TAFA4: variants seen among roughly 807,000 people sequenced by gnomAD.
The protein encoded by TAFA4 is TAFA chemokine like family member 4.
In TAFA4, 20 loss-of-function variants were observed where a neutral mutation model predicts 21.1. The ratio of observed to expected loss-of-function variants is 0.95; its 90% CI spans 0.67 to 1.38. The LOEUF is 1.38. Ranked by LOEUF, TAFA4 falls within the 40% of genes most tolerant of loss-of-function variation. The pLI is 0.00. For synonymous variants in TAFA4, 71 were observed against 67.4 expected (o/e 1.05, Z -0.26); for missense variants, 211 against 180.9 (o/e 1.17, Z -0.95).
intron 3 of TAFA4, among the ~76,000 whole-genome samples, chr3:68,873,337 TACACACACACACACACAC>T (rs34998311): frequency 1.5e-5 from 2 of 133,422 alleles, no homozygotes; most frequent in South Asian, 3.0e-4. Context: ...CACGCAGACA[TACACACACACACACACAC>T]ACACACACAC....
chr3:68,801,821 A>G (rs1703584100), intron 3 of TAFA4, among the ~76,000 whole-genome samples: 1 of 152,198 alleles, frequency 6.6e-6, no homozygotes, highest in Non-Finnish European at 1.5e-5. Context: ...GATTTGATCA[A>G]AGTTTACCAA....
chr3:68,744,898 T>TAGCA (rs765219195), intron 4 of TAFA4, among the ~76,000 whole-genome samples: 2 of 152,192 alleles, frequency 1.3e-5, no homozygotes, highest in Non-Finnish European at 2.9e-5. Context: ...TTCCTTAAAA[T>TAGCA]AGCAAGCTGC....
intron 3 of TAFA4, among the ~76,000 whole-genome samples, chr3:68,872,216 T>C (rs1273074906): frequency 3.9e-5 from 6 of 152,150 alleles, no homozygotes; most frequent in African/African-American, 1.2e-4. Flanking sequence ...TGGAATATTA[T>C]TCAGTCATAA....
At chr3:68,830,972 T>A (rs1287758794) in intron 3 of TAFA4, among the ~76,000 whole-genome samples, 1 of 152,204 alleles carries the variant, frequency 6.6e-6, no homozygotes, top group Non-Finnish European at 1.5e-5. Flanking sequence ...TTATCTTTGT[T>A]GGTTTATAGT....
chr3:68,766,646 C>T (rs149734539), intron 3 of TAFA4, among the ~76,000 whole-genome samples: 299 of 151,732 alleles, frequency 2.0e-3, no homozygotes, highest in African/African-American at 6.5e-3. Flanking sequence ...CAGATGTCCC[C>T]GAATCCTATT....
intron 4 of TAFA4, among the ~76,000 whole-genome samples, chr3:68,742,524 C>G (rs941738805): frequency 6.6e-6 from 1 of 152,086 alleles, no homozygotes; most frequent in African/African-American, 2.4e-5. Context: ...AATTTCCTTC[C>G]TGCATTTTCT....
At chr3:68,898,173 C>G (rs933875334) in intron 1 of TAFA4, among the ~76,000 whole-genome samples, 4 of 152,188 alleles carry the variant, frequency 2.6e-5, no homozygotes, top group African/African-American at 9.6e-5. Context: ...AAAGGTCAGT[C>G]TTGACCAGCA....
intron 1 of TAFA4, among the ~76,000 whole-genome samples, chr3:68,895,240 C>T (rs1011848848): frequency 1.3e-5 from 2 of 152,144 alleles, no homozygotes; most frequent in South Asian, 2.1e-4. Flanking sequence ...TCAGGTGATC[C>T]GCCTGCCTCA....
intron 3 of TAFA4, among the ~76,000 whole-genome samples, chr3:68,789,964 G>A (rs575104168): frequency 6.6e-6 from 1 of 152,302 alleles, no homozygotes; most frequent in South Asian, 2.1e-4. Flanking sequence ...ACATCAGTGG[G>A]AAACTTGGAG....
chr3:68,929,727 T>C (rs1218965086), intron 1 of TAFA4, among the ~76,000 whole-genome samples: 2 of 152,234 alleles, frequency 1.3e-5, no homozygotes, highest in East Asian at 1.9e-4. Context: ...TAAAGAGATC[T>C]ATAAAATTGC....
At chr3:68,849,434 A>G (rs1320348519) in intron 3 of TAFA4, among the ~76,000 whole-genome samples, 2 of 152,198 alleles carry the variant, frequency 1.3e-5, no homozygotes, top group East Asian at 3.9e-4. Flanking sequence ...TTGAGCCACT[A>G]ACAAGAAGTA....
intron 3 of TAFA4, among the ~76,000 whole-genome samples, chr3:68,805,844 T>C (rs1430886939): frequency 1.3e-5 from 2 of 152,054 alleles, no homozygotes; most frequent in South Asian, 2.1e-4. Context: ...TTAGGAGATA[T>C]ACCTAATGCT....
At chr3:68,828,531 T>C (rs1165480936) in intron 3 of TAFA4, among the ~76,000 whole-genome samples, 3 of 152,200 alleles carry the variant, frequency 2.0e-5, no homozygotes, top group Non-Finnish European at 1.5e-5. Context: ...CTTCCATTTG[T>C]TTGGGTCCTC....
In TAFA4 at chr3:68,762,220, T is replaced by A. The variant is rs191615611; in HGVS notation, c.131-9202A>T. ...GCCTTAATTTAAAAAAAAAAAAATGTAGCAGAAGAATGGAGGTAAATCTTG... is the reference window on the plus strand; with the variant it reads ...GCCTTAATTTAAAAAAAAAAAAATGAAGCAGAAGAATGGAGGTAAATCTTG... On this transcript the variant is annotated intron_variant, in intron 3 of 5. Coordinates refer to ENST00000295569, the MANE Select transcript of TAFA4 (RefSeq NM_182522.5). Among the ~76,000 whole-genome samples the A allele has an allele frequency of 4.1e-4, 61 of 150,430 alleles. No homozygotes were observed. The South Asian group carries it at 0.011, about 27-fold the overall frequency.
At chr3:68,901,975 G>C (rs535347129) in intron 1 of TAFA4, among the ~76,000 whole-genome samples, 4 of 152,124 alleles carry the variant, frequency 2.6e-5, no homozygotes, top group Non-Finnish European at 4.4e-5. Flanking sequence ...TATAGTGAAG[G>C]GCTCTGTAAA....
intron 3 of TAFA4, among the ~76,000 whole-genome samples, chr3:68,866,587 G>A (rs2089421300): frequency 7.1e-6 from 1 of 140,046 alleles, no homozygotes; most frequent in Non-Finnish European, 1.5e-5. Context: ...CAAGCAGCCA[G>A]GGATGAACCC....
At chr3:68,927,308 A>C (rs1164107435) in intron 1 of TAFA4, among the ~76,000 whole-genome samples, 1 of 152,264 alleles carries the variant, frequency 6.6e-6, no homozygotes, top group Non-Finnish European at 1.5e-5. Context: ...AGAAATGAAG[A>C]AAATCAAGAA....
intron 1 of TAFA4, among the ~76,000 whole-genome samples, chr3:68,892,834 C>A (rs990398325): frequency 6.6e-6 from 1 of 152,142 alleles, no homozygotes; most frequent in South Asian, 2.1e-4. Flanking sequence ...GTAAAAAGTA[C>A]AAAAGCAATC....
At chr3:68,868,008 T>C (rs1041506792) in intron 3 of TAFA4, among the ~76,000 whole-genome samples, 2 of 152,050 alleles carry the variant, frequency 1.3e-5, no homozygotes, top group Non-Finnish European at 2.9e-5. Context: ...AATAACAACC[T>C]TGAATGTAAA....
Sources: allele counts gnomAD v4.1 joint callset (sites outside exome capture counted in the v4.1 genomes callset), GRCh38; gene constraint gnomAD v4.1.1; transcripts MANE v1.5; gene names NCBI Gene and HGNC (gene_info 2026-07-23, HGNC 2026-07-21).